The following ANKS1A variants were observed in gnomAD, a reference collection of about 807,000 sequenced individuals.
ANKS1A encodes the protein ankyrin repeat and SAM domain-containing protein 1A.
A neutral mutation model predicts 120.3 loss-of-function variants in ANKS1A; 55 were observed. That is an observed-to-expected ratio of 0.46 (90% CI 0.37 to 0.57). The LOEUF is 0.57. Among genes scored for constraint, ANKS1A ranks in the 20% least tolerant of loss-of-function variants. The probability of loss-of-function intolerance (pLI) is 0.00; values close to 1 mark genes in which losing one functional copy is unlikely to be tolerated. For synonymous variants in ANKS1A, 590 were observed against 604.7 expected (o/e 0.98, Z 0.36); for missense variants, 1,123 against 1,480.3 (o/e 0.76, Z 3.96).
intron 1 of ANKS1A, among the ~76,000 whole-genome samples, chr6:34,921,158 G>A (rs1039188409): frequency 2.0e-5 from 3 of 152,108 alleles, no homozygotes; most frequent in African/African-American, 7.2e-5. Context: ...AATTAATTAT[G>A]CCCCATAGGC....
chr6:35,023,103 G>A (rs1357925624), intron 11 of ANKS1A, among the ~76,000 whole-genome samples: 1 of 152,126 alleles, frequency 6.6e-6, no homozygotes, highest in African/African-American at 2.4e-5. Context: ...TCCCTCTACT[G>A]AAAGCCACCA....
intron 16 of ANKS1A, among the ~76,000 whole-genome samples, chr6:35,080,418 C>T (rs1020901449): frequency 3.3e-5 from 5 of 152,252 alleles, no homozygotes; most frequent in Admixed American, 2.0e-4. Context: ...AGCTCTCCCC[C>T]AGCCCCAGGC....
intron 11 of ANKS1A, among the ~76,000 whole-genome samples, chr6:35,043,785 C>T (rs995162220): frequency 2.0e-5 from 3 of 152,138 alleles, no homozygotes; most frequent in African/African-American, 7.2e-5. Flanking sequence ...TTGGAGTTCT[C>T]TGCCTTCCTT....
chr6:34,982,700 G>T lies in ANKS1A; in HGVS notation c.733-52G>T. On this transcript the variant is annotated intron_variant, in intron 4 of 23. Transcript: ENST00000360359. This position sits in a 1 kb window ranked among gnomAD's most constrained non-coding sequence, Gnocchi z 4.9. Reference sequence around the variant, plus strand: ...TGTGTCCCCTTTGTCACGTGAAGCCGCACCAAACTGTTCTGATGACATCCC... The same window carrying T: ...TGTGTCCCCTTTGTCACGTGAAGCCTCACCAAACTGTTCTGATGACATCCC... 1 of 1,582,820 alleles carries T rather than the reference G, an allele frequency of 6.3e-7. No homozygotes were observed. Among genetic ancestry groups the T allele is most frequent in the Middle Eastern group, 1.7e-4 (1 of 6,008 alleles).
chr6:35,059,456 G>A (rs1169266760), intron 12 of ANKS1A, among the ~76,000 whole-genome samples: 1 of 152,246 alleles, frequency 6.6e-6, no homozygotes, highest in East Asian at 1.9e-4. Flanking sequence ...TTCCGGGACT[G>A]CTGGGGGAAA....
intron 10 of ANKS1A, among the ~76,000 whole-genome samples, chr6:34,997,290 A>G (rs919753919): frequency 3.5e-5 from 5 of 144,458 alleles, no homozygotes; most frequent in Non-Finnish European, 7.5e-5. Flanking sequence ...ACCACCTCCC[A>G]GGTTCAAGTG....
At chr6:35,018,152 T>TC in intron 11 of ANKS1A, 93 bp downstream of exon 11, 1 of 1,310,976 alleles carries the variant, frequency 7.6e-7, no homozygotes, top group Non-Finnish European at 1.1e-6. Flanking sequence ...AGGCCCAGGA[T>TC]CTGGGCAAGG....
At chr6:34,980,131 A>G (rs1384130558) in intron 3 of ANKS1A, among the ~76,000 whole-genome samples, 1 of 152,308 alleles carries the variant, frequency 6.6e-6, no homozygotes, top group South Asian at 2.1e-4. Flanking sequence ...TTCAGGTTAC[A>G]TGGAATTTGC....
intron 1 of ANKS1A, among the ~76,000 whole-genome samples, chr6:34,912,971 T>C (rs1289081489): frequency 1.3e-5 from 2 of 152,236 alleles, no homozygotes; most frequent in Non-Finnish European, 2.9e-5. Context: ...TTGAGTTTCC[T>C]TTCCTGTCCT....
chr6:35,016,764 C>CAAA (rs145185965), intron 10 of ANKS1A, among the ~76,000 whole-genome samples: 6 of 131,710 alleles, frequency 4.6e-5, no homozygotes, highest in African/African-American at 2.0e-4. Context: ...TGCACATTCT[C>CAAA]AAAAAAAAAA....
intron 1 of ANKS1A, among the ~76,000 whole-genome samples, chr6:34,939,942 C>T (rs1398663262): frequency 1.3e-5 from 2 of 152,138 alleles, no homozygotes; most frequent in Non-Finnish European, 2.9e-5. Flanking sequence ...TGCTCCCAGC[C>T]ATTGTGGGCA....
intron 3 of ANKS1A, among the ~76,000 whole-genome samples, chr6:34,973,147 C>T (rs986023803): frequency 4.6e-5 from 7 of 151,998 alleles, no homozygotes; most frequent in African/African-American, 1.2e-4. Flanking sequence ...ATGGTTGATC[C>T]GTTTTATTCC....
At chr6:34,891,897 GA>G (rs2127438732) in intron 1 of ANKS1A, among the ~76,000 whole-genome samples, 1 of 152,360 alleles carries the variant, frequency 6.6e-6, no homozygotes, top group East Asian at 1.9e-4. Flanking sequence ...AAAGTGCTGG[GA>G]TTACAGGCGT....
intron 9 of ANKS1A, among the ~76,000 whole-genome samples, chr6:34,990,705 G>C (rs1325990584): frequency 1.3e-5 from 2 of 152,158 alleles, no homozygotes. Context: ...ATAACACAGT[G>C]TCAAGAAGTG....
intron 1 of ANKS1A, among the ~76,000 whole-genome samples, chr6:34,912,906 G>A (rs1344488444): frequency 1.3e-5 from 2 of 152,194 alleles, no homozygotes; most frequent in Non-Finnish European, 2.9e-5. Context: ...CTGGCTGTGT[G>A]TGTATTGCCT....
intron 13 of ANKS1A, among the ~76,000 whole-genome samples, chr6:35,076,374 T>TG: frequency 6.6e-6 from 1 of 152,076 alleles, no homozygotes. Context: ...ATCGTGCCAC[T>TG]GCACTCCAGC....
intron 1 of ANKS1A, among the ~76,000 whole-genome samples, chr6:34,913,619 TTTGTTG>T (rs549695039): frequency 2.2e-4 from 33 of 151,220 alleles, no homozygotes; most frequent in Admixed American, 5.3e-4. Flanking sequence ...AACAAAATAG[TTTGTTG>T]TTGTTGTTGT....
chr6:35,062,787 T>C (rs1255610396), intron 13 of ANKS1A, among the ~76,000 whole-genome samples: 2 of 152,234 alleles, frequency 1.3e-5, no homozygotes, highest in Non-Finnish European at 1.5e-5. Context: ...TCTGCCATGA[T>C]GGTTTTTTAG....
intron 3 of ANKS1A, among the ~76,000 whole-genome samples, chr6:34,974,623 C>T (rs552240467): frequency 6.6e-6 from 1 of 152,014 alleles, no homozygotes; most frequent in African/African-American, 2.4e-5. Context: ...CATGTCAGAC[C>T]AGAGTTTAAG....
Sources: allele counts gnomAD v4.1 joint callset (sites outside exome capture counted in the v4.1 genomes callset), GRCh38; gene constraint gnomAD v4.1.1; non-coding constraint Gnocchi (gnomAD v3.1); transcripts MANE v1.5; gene names NCBI Gene and HGNC (gene_info 2026-07-23, HGNC 2026-07-21).